The following IFT172 variants were observed in gnomAD, a reference collection of about 807,000 sequenced individuals.
IFT172 encodes the protein intraflagellar transport protein 172 homolog.
In IFT172, 164 loss-of-function variants were observed where a neutral mutation model predicts 248.9. That is an observed-to-expected ratio of 0.66 (90% confidence interval 0.58 to 0.75). The LOEUF (loss-of-function observed/expected upper bound fraction) is 0.75. IFT172 is among the 30% of genes least tolerant of loss of function. The probability of loss-of-function intolerance (pLI) is 0.00; values close to 1 mark genes in which losing one functional copy is unlikely to be tolerated. For missense variants in IFT172, 1,950 were observed against 2,192.4 expected, an observed-to-expected ratio of 0.89 and a Z score of 2.21; for synonymous variants, 729 against 791.6, an observed-to-expected ratio of 0.92 and a Z score of 1.33.
At position 27,445,176 on chromosome 2, in the gene IFT172, G is replaced by A; in HGVS notation, c.5069-71C>T. ...AGGAGGGAAAAATGAGGAGCAGCCT[G>A]GGGGGTAGAAAGCACAGTCCTGTCT... On this transcript the variant is annotated intron_variant, in intron 46 of 47. Coordinates refer to ENST00000260570, the MANE Select transcript of IFT172 (RefSeq NM_015662.3). The surrounding 1 kb of genome is among the most constrained non-coding windows in gnomAD (Gnocchi z 4.4). 1.9e-6 allele frequency: 3 copies of A among 1,596,748 alleles called. No homozygotes were observed. The highest frequency in any genetic ancestry group is 2.2e-5 in the South Asian group (2 of 89,644).
intron 30 of IFT172, chr2:27,455,431 G>C: frequency 4.2e-6 from 1 of 238,674 alleles, no homozygotes; most frequent in Non-Finnish European, 8.2e-6. Flanking sequence ...AGAATATGCC[G>C]GGCGCGGTGG....
chr2:27,466,772 G>A (rs1259196705), intron 16 of IFT172, among the ~76,000 whole-genome samples: 2 of 151,960 alleles, frequency 1.3e-5, no homozygotes, highest in East Asian at 1.9e-4. Context: ...AGCACTTTTC[G>A]AGACCAAGGT....
intron 1 of IFT172, 111 bp downstream of exon 1, chr2:27,489,504 C>G: frequency 1.3e-6 from 1 of 764,756 alleles, no homozygotes; most frequent in Admixed American, 2.4e-5. Flanking sequence ...ATCGCTATAT[C>G]CCTTACAGCC....
At chr2:27,488,483 TG>T (rs1370589295) in intron 1 of IFT172, among the ~76,000 whole-genome samples, 1 of 152,122 alleles carries the variant, frequency 6.6e-6, no homozygotes, top group Non-Finnish European at 1.5e-5. Context: ...CTTGGAATCT[TG>T]GGCTCAAGTG....
At chr2:27,448,764 C>A in intron 40 of IFT172, 151 bp downstream of exon 40, 1 of 662,540 alleles carries the variant, frequency 1.5e-6, no homozygotes. Flanking sequence ...TCCAGAGAGG[C>A]TGTACATTTC....
chr2:27,479,991 G>A (rs2148547767), intron 9 of IFT172, 35 bp downstream of exon 9: 1 of 1,598,180 alleles, frequency 6.3e-7, no homozygotes, highest in South Asian at 1.1e-5. Flanking sequence ...TTTGGTGAAA[G>A]TCACCAATCC....
At chr2:27,470,729 C>G (rs1667501544) in intron 16 of IFT172, 199 bp downstream of exon 16, 1 of 476,694 alleles carries the variant, frequency 2.1e-6, no homozygotes, top group Admixed American at 4.0e-5. Context: ...AACCCATACT[C>G]CAAGGGTCTA....
At position 27,454,657 on chromosome 2, in the gene IFT172, G is replaced by C. The variant is rs1209425065; in HGVS notation, c.3375C>G (p.Ser1125=). The change falls in exon 31 of 48, where the codon TCC becomes TCG. Residue 1125 remains serine (S), a synonymous_variant. Transcript: ENST00000260570. This position sits in a 1 kb window ranked among gnomAD's most constrained non-coding sequence, Gnocchi z 4.2. The part of the protein sequence containing the change: ...AAVDHAADNC[S]FEFAFELSRL... ...GAGAGAGTTCAAACGCAAATTCAAA[G>C]GAGCTGAAACAGAAAGTGCAGATAA... 1 of 1,614,028 alleles carries C rather than the reference G, an allele frequency of 6.2e-7. No individual in the cohort carries two copies. Among genetic ancestry groups the C allele is most frequent in the Non-Finnish European group, 8.5e-7 (1 of 1,179,986 alleles).
Position 27,476,658 on chromosome 2 carries a change from A to T in IFT172, c.1394T>A (p.Ile465Asn), listed in dbSNP as rs769963997. The change falls in exon 14 of 48, where the codon ATT becomes AAT. Residue 465 changes from isoleucine to asparagine, a missense_variant. By Grantham distance (149) the Ile-to-Asn change is moderately radical. Transcript: ENST00000260570. ...DNKKLAYLID[I>N]KTIAIVDLIG... ...TTACTCACCTATAGCAATAGTCTTA[A>T]TATCAATAAGATAAGCCAATTTCTT... 2 of 1,590,452 alleles carry T rather than the reference A, an allele frequency of 1.3e-6. No homozygotes were observed. Among genetic ancestry groups the T allele is most frequent in the Admixed American group, 3.3e-5 (2 of 59,932 alleles).
intron 8 of IFT172, 85 bp downstream of exon 8, chr2:27,480,961 G>T: frequency 9.8e-7 from 1 of 1,015,504 alleles, no homozygotes; most frequent in Non-Finnish European, 1.5e-6. Flanking sequence ...CTCCAGTCTC[G>T]CACTCTGGCT....
chr2:27,460,947 A>G, intron 23 of IFT172, 68 bp downstream of exon 23: 1 of 1,594,938 alleles, frequency 6.3e-7, no homozygotes, highest in African/African-American at 1.3e-5. Flanking sequence ...CACCCCTACA[A>G]GAGGTGCCAG....
At chr2:27,459,109 A>G (rs879601168) in intron 25 of IFT172, 2 of 618,188 alleles carry the variant, frequency 3.2e-6, no homozygotes, top group African/African-American at 1.8e-5. Context: ...ATTTTATATC[A>G]TAACTATGTT....
Position 27,449,507 on chromosome 2 carries a change from C to T in IFT172, c.4216G>A (p.Val1406Met). 1 of 1,614,230 alleles carries T rather than the reference C, an allele frequency of 6.2e-7. No homozygotes were observed. Among genetic ancestry groups the T allele is most frequent in the Non-Finnish European group, 8.5e-7 (1 of 1,180,042 alleles). ...AACTCTCCAAGTCTCACCGAGTCCA[C>T]TTTGCCCTGATTCTTGAGGAACTCT... ...YKEFLKNQGK[V>M]DSLVGVDVIA... Residue 1406 changes from valine to methionine, a missense_variant, in exon 38 of 48, where the codon GTG becomes ATG. Physicochemically the swap from Val to Met is conservative, Grantham distance 21 (BLOSUM62 1). This residue lies in a region of IFT172 where 620 missense variants were observed against 699.0 expected (regional missense o/e 0.89). Transcript: ENST00000260570.
intron 30 of IFT172, chr2:27,455,117 A>G (rs1311013258): frequency 3.7e-6 from 1 of 270,830 alleles, no homozygotes; most frequent in Non-Finnish European, 7.2e-6. Flanking sequence ...GTAGCTTGAG[A>G]ACACTTTGCT....
intron 14 of IFT172, among the ~76,000 whole-genome samples, chr2:27,473,459 A>C (rs1219289133): frequency 1.6e-4 from 21 of 135,184 alleles, no homozygotes; most frequent in South Asian, 1.4e-3. Flanking sequence ...TACAGGCGCC[A>C]GCCACCACGA....
At position 27,447,824 on chromosome 2, in the gene IFT172, G is replaced by A; in HGVS notation, c.4527C>T (p.Val1509=). 6.2e-7 allele frequency: 1 copy of A among 1,612,310 alleles called. No homozygotes were observed. The highest frequency in any genetic ancestry group is 8.5e-7 in the Non-Finnish European group (1 of 1,178,270). ...TTCGCTTCCTCACCAGGTTGAAGAG[G>A]ACATCTCGAAGATCAGCCCAGCTAT... ...AYHSWADLRD[V]LFNLCENLVK... is the part of the protein sequence containing the mutation. The change falls in exon 41 of 48, where the codon GTC becomes GTT. Residue 1509 remains valine (V), a synonymous_variant. Transcript: ENST00000260570.
chr2:27,477,368 A>C (rs764554358), intron 12 of IFT172, 48 bp from the exon 13 acceptor site: 1 of 1,516,064 alleles, frequency 6.6e-7, no homozygotes, highest in Non-Finnish European at 9.2e-7. Context: ...CATGAAGAAA[A>C]ACAGTAGTGG....
At chr2:27,477,460 A>T in intron 12 of IFT172, 99 bp downstream of exon 12, 1 of 1,213,396 alleles carries the variant, frequency 8.2e-7, no homozygotes. Context: ...CTGTTTCTTT[A>T]TCTGCTGTTT....
chr2:27,452,456 A>C (rs1665760542), intron 35 of IFT172, among the ~76,000 whole-genome samples: 1 of 152,184 alleles, frequency 6.6e-6, no homozygotes, highest in African/African-American at 2.4e-5. Flanking sequence ...CTTTATATAC[A>C]TGTACACACA....
Sources: gnomAD v4.1 joint callset for allele counts (sites outside exome capture counted in the v4.1 genomes callset) on GRCh38, gnomAD v4.1.1 for gene constraint, gnomAD v4.1.1 regional missense constraint, Gnocchi (gnomAD v3.1) non-coding constraint, MANE v1.5 for transcripts, NCBI Gene and HGNC (gene_info 2026-07-23, HGNC 2026-07-21) for gene names.